Variants in NUP214 observed in about 807,000 individuals in gnomAD.
NUP214 encodes nuclear pore complex protein Nup214.
In NUP214, 79 loss-of-function variants were observed where a neutral mutation model predicts 196.2. The observed-to-expected ratio is 0.40, with a 90% CI of 0.34 to 0.49. The LOEUF (loss-of-function observed/expected upper bound fraction) is 0.49. Among genes scored for constraint, NUP214 ranks in the 20% least tolerant of loss-of-function variants. NUP214 has a pLI of 0.58. For synonymous variants in NUP214, 1,020 were observed against 990.5 expected (o/e 1.03, Z -0.56); for missense variants, 2,468 against 2,539.0 (o/e 0.97, Z 0.60).
chr9:131,213,543 C>G (rs1834305731), intron 30 of NUP214, among the ~76,000 whole-genome samples: 1 of 152,150 alleles, frequency 6.6e-6, no homozygotes, highest in African/African-American at 2.4e-5. Context: ...GCAAAATGCT[C>G]ATATACTGGC....
intron 23 of NUP214, among the ~76,000 whole-genome samples, chr9:131,178,085 A>C (rs1833166335): frequency 1.3e-5 from 2 of 152,158 alleles, no homozygotes; most frequent in South Asian, 4.1e-4. Flanking sequence ...ACTCTAGTAC[A>C]TTCGATTCAG....
Position 131,174,207 on chromosome 9 carries a change from GC to G in NUP214, c.3051del (p.Val1018TrpfsTer31). 1 of 1,613,744 alleles carries G rather than the reference GC, an allele frequency of 6.2e-7. No homozygotes were observed. Among genetic ancestry groups the G allele is most frequent in the Non-Finnish European group, 8.5e-7 (1 of 1,179,910 alleles). ...DEAVVQAPRH[A>X]PVVRTPSIQP... ...GGCAGTGGTTCAGGCCCCTCGGCAC[GC>G]CCCCGTGGTTCGCACTCCTTCCATC... On this transcript the variant is annotated frameshift_variant, in exon 22 of 36. Coordinates refer to ENST00000359428, the MANE Select transcript of NUP214 (RefSeq NM_005085.4). LOFTEE classifies it high-confidence loss of function.
At chr9:131,175,400 A>T in intron 22 of NUP214, 60 bp from the exon 23 acceptor site, 1 of 1,580,658 alleles carries the variant, frequency 6.3e-7, no homozygotes, top group Non-Finnish European at 8.7e-7. Flanking sequence ...TTACCAATTT[A>T]ACCTTTTGTA....
At chr9:131,225,166 A>G (rs1418543369) in intron 32 of NUP214, among the ~76,000 whole-genome samples, 2 of 152,184 alleles carry the variant, frequency 1.3e-5, no homozygotes, top group Admixed American at 6.5e-5. Context: ...TAATCCCAGC[A>G]CTTTGGGAGG....
At chr9:131,136,459 C>G (rs1831731376) in intron 9 of NUP214, 2 of 155,814 alleles carry the variant, frequency 1.3e-5, no homozygotes, top group South Asian at 3.8e-4. Flanking sequence ...CGCTTCTGTT[C>G]TTTTAGGATC....
chr9:131,163,237 T>C (rs1342173937), intron 19 of NUP214, 64 bp downstream of exon 19: 1 of 1,509,592 alleles, frequency 6.6e-7, no homozygotes, highest in East Asian at 2.3e-5. Context: ...TAGGGAGTCT[T>C]AGAGTGGTTC....
intron 5 of NUP214, among the ~76,000 whole-genome samples, chr9:131,131,248 C>CT (rs1220145812): frequency 6.6e-6 from 1 of 152,232 alleles, no homozygotes; most frequent in African/African-American, 2.4e-5. Flanking sequence ...CAGTATTTGT[C>CT]TTTTAACTGA....
intron 30 of NUP214, among the ~76,000 whole-genome samples, chr9:131,212,404 C>T (rs978142880): frequency 6.6e-6 from 1 of 152,206 alleles, no homozygotes; most frequent in African/African-American, 2.4e-5. Context: ...CAACCCTCCC[C>T]TTTTGAAATC....
chr9:131,193,305 T>C (rs894841459), intron 27 of NUP214, among the ~76,000 whole-genome samples: 30 of 152,272 alleles, frequency 2.0e-4, no homozygotes, highest in African/African-American at 6.7e-4. Flanking sequence ...CATTGAAGCA[T>C]TGTGCATTCA....
At chr9:131,218,185 A>G (rs376091072) in intron 31 of NUP214, among the ~76,000 whole-genome samples, 3 of 152,340 alleles carry the variant, frequency 2.0e-5, no homozygotes, top group Non-Finnish European at 4.4e-5. Flanking sequence ...GAGTAGAGGA[A>G]ACACTTAACA....
chr9:131,144,198 A>G lies in NUP214; in HGVS notation c.1295-82A>G, dbSNP rs1020881881. 2.9e-5 allele frequency: 33 copies of G among 1,119,270 alleles called. No homozygotes were observed. In the African/African-American group the frequency reaches 4.1e-4, roughly 14 times the overall value. The allele number at this position is 1,119,270 out of a possible 1,614,324, so 69.3% of individuals were successfully genotyped here. Reference sequence around the variant, plus strand: ...ACATTTCTGGCTTTATTCTACCACAAATTCTTTTTCACTTGCTTTCTATTA... The same window carrying G: ...ACATTTCTGGCTTTATTCTACCACAGATTCTTTTTCACTTGCTTTCTATTA... On this transcript the variant is annotated intron_variant, in intron 11 of 35. Transcript: ENST00000359428.
Position 131,198,737 on chromosome 9 carries a change from C to T in NUP214, c.5243C>T (p.Pro1748Leu), listed in dbSNP as rs753123995. ...SAASVFSFSQ[P>L]GFSSVPAFGQ... ...GCAAGTGTCTTTTCCTTCAGTCAGC[C>T]TGGGTTCAGTTCCGTGCCTGCCTTC... The change falls in exon 29 of 36, where the codon CCT becomes CTT. Residue 1748 changes from proline to leucine, a missense_variant. By Grantham distance (98) the Pro-to-Leu change is moderately conservative. Transcript: ENST00000359428. The T allele has an allele frequency of 6.2e-7, 1 of 1,614,102 alleles. No homozygotes were observed. Among genetic ancestry groups the T allele is most frequent in the African/African-American group, 1.3e-5 (1 of 74,926 alleles).
At chr9:131,128,836 T>G in intron 3 of NUP214, 1 of 285,578 alleles carries the variant, frequency 3.5e-6, no homozygotes, top group Non-Finnish European at 6.7e-6. Flanking sequence ...CTGTGTGTGT[T>G]AGACTCTGTA....
At chr9:131,229,851 G>A (rs923314349) in intron 33 of NUP214, 1 of 472,842 alleles carries the variant, frequency 2.1e-6, no homozygotes, top group Non-Finnish European at 4.2e-6. Flanking sequence ...GGAAGGCAGA[G>A]TTTTAGATAC....
In NUP214 at chr9:131,157,254, G is replaced by A. The variant is rs566032251; in HGVS notation, c.2437-2129G>A. On this transcript the variant is annotated intron_variant, in intron 17 of 35. Transcript: ENST00000359428. ...CCTAGCTCACTGCAGCCTCGAACTC[G>A]GGCTCAAGTGATCCTTCTGCTTCAG... Among the ~76,000 whole-genome samples the A allele has an allele frequency of 5.9e-5, 9 of 151,714 alleles. No homozygotes were observed. In the South Asian group the frequency reaches 8.3e-4, roughly 14 times the overall value.
chr9:131,144,257 C>A, intron 11 of NUP214, 23 bp from the exon 12 acceptor site: 2 of 1,564,312 alleles, frequency 1.3e-6, no homozygotes, highest in Non-Finnish European at 1.8e-6. Context: ...TTAACATTTT[C>A]CTTCCTTTTT....
chr9:131,150,666 A>G lies in NUP214; in HGVS notation c.2178A>G (p.Lys726=). 2 of 1,614,184 alleles carry G rather than the reference A, an allele frequency of 1.2e-6. No individual in the cohort carries two copies. Among genetic ancestry groups the G allele is most frequent in the Non-Finnish European group, 1.7e-6 (2 of 1,180,034 alleles). ...AAGAGTTAAAAGCCCGAACTTCCAA[A>G]GCCTGTTTCCAAGTGGGCACTTCTG... ...ELEELKARTS[K]ACFQVGTSEE... The change falls in exon 16 of 36, where the codon AAA becomes AAG. Residue 726 remains lysine, a synonymous_variant. Coordinates refer to ENST00000359428, the MANE Select transcript of NUP214 (RefSeq NM_005085.4).
At chr9:131,132,260 C>CA (rs1831577615) in intron 5 of NUP214, among the ~76,000 whole-genome samples, 1 of 151,642 alleles carries the variant, frequency 6.6e-6, no homozygotes, top group African/African-American at 2.4e-5. Flanking sequence ...GCTGGGATTA[C>CA]GGCACCCGCC....
intron 11 of NUP214, among the ~76,000 whole-genome samples, chr9:131,142,780 T>C (rs1831958108): frequency 1.3e-5 from 2 of 152,230 alleles, no homozygotes; most frequent in Admixed American, 1.3e-4. Flanking sequence ...TTTACTTGGA[T>C]TTTTGTTTTC....
Sources: gnomAD v4.1 joint callset for allele counts (sites outside exome capture counted in the v4.1 genomes callset) on GRCh38, gnomAD v4.1.1 for gene constraint, MANE v1.5 for transcripts, NCBI Gene and HGNC (gene_info 2026-07-23, HGNC 2026-07-21) for gene names.